MARCHF8: variants seen among roughly 807,000 people sequenced by gnomAD.
The protein encoded by MARCHF8 is E3 ubiquitin-protein ligase MARCHF8.
Under a neutral mutation model 51.6 loss-of-function variants are expected in MARCHF8, and 40 were observed. The ratio of observed to expected loss-of-function variants is 0.77; its 90% CI spans 0.60 to 1.01. The LOEUF (loss-of-function observed/expected upper bound fraction) is 1.01, where lower values mean the gene tolerates loss of function less well. Among genes scored for constraint, MARCHF8 ranks in the 50% least tolerant of loss-of-function variants. The probability of loss-of-function intolerance (pLI) is 0.00; values close to 1 mark genes in which losing one functional copy is unlikely to be tolerated. For missense variants in MARCHF8, 685 were observed against 708.6 expected, an observed-to-expected ratio of 0.97 and a Z score of 0.38; for synonymous variants, 263 against 280.3, an observed-to-expected ratio of 0.94 and a Z score of 0.62.
At chr10:45,573,656 C>T (rs975962406) in intron 1 of MARCHF8, among the ~76,000 whole-genome samples, 2 of 152,222 alleles carry the variant, frequency 1.3e-5, no homozygotes, top group Non-Finnish European at 2.9e-5. Context: ...CTTCCCAGAT[C>T]TTCTCAGCTT....
chr10:45,534,760 G>C (rs962191891), intron 1 of MARCHF8, among the ~76,000 whole-genome samples: 2 of 152,052 alleles, frequency 1.3e-5, no homozygotes, highest in African/African-American at 4.8e-5. Flanking sequence ...ACAACCCCAA[G>C]GTCACATTTG....
intron 2 of MARCHF8, among the ~76,000 whole-genome samples, chr10:45,532,537 T>C (rs2133276689): frequency 6.6e-6 from 1 of 152,320 alleles, no homozygotes; most frequent in East Asian, 1.9e-4. Flanking sequence ...AACAGCCACA[T>C]GACAGCTTGC....
intron 5 of MARCHF8, among the ~76,000 whole-genome samples, chr10:45,462,417 C>T (rs1193608886): frequency 6.6e-6 from 1 of 152,124 alleles, no homozygotes; most frequent in Non-Finnish European, 1.5e-5. Context: ...CAGCCAGTCC[C>T]CACACACCTT....
At chr10:45,530,014 T>C (rs923727793) in intron 2 of MARCHF8, among the ~76,000 whole-genome samples, 4 of 152,212 alleles carry the variant, frequency 2.6e-5, no homozygotes, top group African/African-American at 9.7e-5. Flanking sequence ...CTACTCACAA[T>C]AGCAAAGACA....
chr10:45,496,803 T>C (rs992456059), intron 2 of MARCHF8, among the ~76,000 whole-genome samples: 3 of 151,804 alleles, frequency 2.0e-5, no homozygotes, highest in South Asian at 4.1e-4. Context: ...CCCTCAACCA[T>C]TAAGAAAATA....
intron 2 of MARCHF8, among the ~76,000 whole-genome samples, chr10:45,528,542 C>T (rs1316492919): frequency 6.6e-6 from 1 of 152,196 alleles, no homozygotes; most frequent in African/African-American, 2.4e-5. Context: ...TTAGCGCAGC[C>T]TCGACCTCCT....
At chr10:45,463,009 C>T in intron 5 of MARCHF8, 142 bp downstream of exon 5, 1 of 1,066,232 alleles carries the variant, frequency 9.4e-7, no homozygotes, top group Non-Finnish European at 1.3e-6. Flanking sequence ...ATTGATACTC[C>T]ATTCTTCTGG....
intron 1 of MARCHF8, among the ~76,000 whole-genome samples, chr10:45,557,066 C>T (rs150141867): frequency 6.9e-6 from 1 of 145,908 alleles, no homozygotes; most frequent in African/African-American, 2.5e-5. Flanking sequence ...AGAATTTTTT[C>T]ATCTTGCAAA....
At chr10:45,503,644 T>C (rs1052442302) in intron 2 of MARCHF8, among the ~76,000 whole-genome samples, 2 of 151,790 alleles carry the variant, frequency 1.3e-5, no homozygotes, top group Admixed American at 6.6e-5. Context: ...TTGATACAGG[T>C]AGTGTAAAAT....
intron 1 of MARCHF8, among the ~76,000 whole-genome samples, chr10:45,534,916 T>C (rs553364639): frequency 2.8e-4 from 43 of 152,234 alleles, no homozygotes; most frequent in African/African-American, 9.4e-4. Context: ...CACACAACTC[T>C]AGAATCAATG....
chr10:45,515,220 C>T (rs1481910285), intron 2 of MARCHF8, among the ~76,000 whole-genome samples: 3 of 152,140 alleles, frequency 2.0e-5, no homozygotes, highest in Non-Finnish European at 4.4e-5. Flanking sequence ...AAACTTGAAC[C>T]AGAGAAGGGA....
chr10:45,585,228 A>G (rs541831132), intron 1 of MARCHF8, among the ~76,000 whole-genome samples: 10 of 152,326 alleles, frequency 6.6e-5, no homozygotes, highest in African/African-American at 2.4e-4. Context: ...CCCAGCAGCT[A>G]TACACCTGAC....
chr10:45,538,487 G>A (rs2044005375), upstream of MARCHF8, among the ~76,000 whole-genome samples: 1 of 152,116 alleles, frequency 6.6e-6, no homozygotes, highest in Admixed American at 6.5e-5. Flanking sequence ...AAAAGTAAAT[G>A]GACTAAATGC....
At chr10:45,593,781 T>A (rs2133454435) in intron 1 of MARCHF8, among the ~76,000 whole-genome samples, 1 of 152,366 alleles carries the variant, frequency 6.6e-6, no homozygotes, top group South Asian at 2.1e-4. Context: ...TTATGCTAGC[T>A]GTCTAATTAC....
intron 1 of MARCHF8, among the ~76,000 whole-genome samples, chr10:45,551,013 T>G (rs2044188134): frequency 6.6e-6 from 1 of 152,172 alleles, no homozygotes; most frequent in Non-Finnish European, 1.5e-5. Context: ...AGACTGACAT[T>G]TAAATTGGCA....
intron 1 of MARCHF8, among the ~76,000 whole-genome samples, chr10:45,566,666 A>G (rs1484378269): frequency 6.6e-6 from 1 of 150,780 alleles, no homozygotes; most frequent in African/African-American, 2.4e-5. Flanking sequence ...TTATCCATTC[A>G]TCTGCTGATG....
At chr10:45,579,893 AT>A (rs950493580) in intron 1 of MARCHF8, among the ~76,000 whole-genome samples, 1 of 151,064 alleles carries the variant, frequency 6.6e-6, no homozygotes, top group African/African-American at 2.4e-5. Flanking sequence ...GGGCATTGTA[AT>A]CCCAGCTACT....
intron 2 of MARCHF8, among the ~76,000 whole-genome samples, chr10:45,525,086 T>C (rs2043769242): frequency 6.6e-6 from 1 of 152,250 alleles, no homozygotes; most frequent in Non-Finnish European, 1.5e-5. Flanking sequence ...GTGGTGATTC[T>C]GTCTAAAGAT....
At chr10:45,569,068 AAAAAAAAAAAAAAAAAAATTGC>A (rs1354869290) in intron 1 of MARCHF8, among the ~76,000 whole-genome samples, 1 of 150,518 alleles carries the variant, frequency 6.6e-6, no homozygotes, top group African/African-American at 2.4e-5. Flanking sequence ...CCATCTCAAA[AAAAAAAAAAAAAAAAAAATTGC>A]AAAAAAAAAC....
Sources: gnomAD v4.1 joint callset for allele counts (sites outside exome capture counted in the v4.1 genomes callset) on GRCh38, gnomAD v4.1.1 for gene constraint, MANE v1.5 for transcripts, NCBI Gene and HGNC (gene_info 2026-07-23, HGNC 2026-07-21) for gene names.